DCLK2: variants seen among roughly 807,000 people sequenced by gnomAD.
DCLK2 encodes doublecortin like kinase 2.
DCLK2 carries 31 observed loss-of-function variants against 78.4 expected under a neutral mutation model. The observed-to-expected ratio is 0.40, with a 90% CI of 0.30 to 0.53. DCLK2 has a LOEUF of 0.53. DCLK2 is among the 20% of genes least tolerant of loss of function. The pLI is 0.61. For synonymous variants in DCLK2, 407 were observed against 374.9 expected, an observed-to-expected ratio of 1.09 and a Z score of -0.99; for missense variants, 872 against 973.7, an observed-to-expected ratio of 0.90 and a Z score of 1.39.
chr4:150,095,723 A>G (rs1301805648), intron 1 of DCLK2, among the ~76,000 whole-genome samples: 1 of 152,178 alleles, frequency 6.6e-6, no homozygotes, highest in East Asian at 1.9e-4. Context: ...AGTTTTTCCT[A>G]AGTGATTTAA....
At chr4:150,116,386 G>A (rs771719552) in intron 2 of DCLK2, among the ~76,000 whole-genome samples, 11 of 152,172 alleles carry the variant, frequency 7.2e-5, no homozygotes, top group Non-Finnish European at 1.0e-4. Context: ...CCGGCACTGC[G>A]CCTATGCCTC....
At chr4:150,116,856 A>G (rs1481083098) in intron 2 of DCLK2, among the ~76,000 whole-genome samples, 1 of 152,026 alleles carries the variant, frequency 6.6e-6, no homozygotes, top group East Asian at 1.9e-4. Flanking sequence ...GTGTTCTTCT[A>G]CCTGGAGATG....
At chr4:150,252,176 C>T (rs938108737) in intron 15 of DCLK2, among the ~76,000 whole-genome samples, 2 of 152,208 alleles carry the variant, frequency 1.3e-5, no homozygotes, top group Non-Finnish European at 2.9e-5. Context: ...GAGAATGTTT[C>T]CAGCGATTCC....
At chr4:150,211,568 G>A (rs969876121) in intron 5 of DCLK2, among the ~76,000 whole-genome samples, 2 of 152,100 alleles carry the variant, frequency 1.3e-5, no homozygotes, top group Non-Finnish European at 2.9e-5. Context: ...GCCCTGGGCT[G>A]GTCTGGCTTC....
intron 1 of DCLK2, among the ~76,000 whole-genome samples, chr4:150,094,987 T>A (rs1330148642): frequency 2.0e-5 from 3 of 152,216 alleles, no homozygotes; most frequent in Non-Finnish European, 4.4e-5. Flanking sequence ...CAAAATCACC[T>A]GATTTTTAAA....
At chr4:150,166,227 C>T (rs953039561) in intron 2 of DCLK2, among the ~76,000 whole-genome samples, 4 of 152,144 alleles carry the variant, frequency 2.6e-5, no homozygotes, top group African/African-American at 9.7e-5. Flanking sequence ...TGGTAGCTCA[C>T]ACCTGTAATC....
At chr4:150,226,249 C>A (rs987272190) in intron 8 of DCLK2, among the ~76,000 whole-genome samples, 1 of 145,832 alleles carries the variant, frequency 6.9e-6, no homozygotes. Context: ...TTTAACCACA[C>A]TGTGATAATT....
chr4:150,091,711 G>A (rs1234452316), intron 1 of DCLK2, among the ~76,000 whole-genome samples: 1 of 151,338 alleles, frequency 6.6e-6, no homozygotes, highest in Non-Finnish European at 1.5e-5. Flanking sequence ...AACTGCTATT[G>A]TTAAAATTTC....
chr4:150,163,530 A>G lies in DCLK2; in HGVS notation c.757-29608A>G, dbSNP rs1030010786. 1.3e-5 allele frequency among the ~76,000 whole-genome samples: 2 copies of G among 152,188 alleles called. 1 individual carries two copies. The highest frequency in any genetic ancestry group is 2.9e-5 in the Non-Finnish European group (2 of 68,038). Reference sequence around the variant, plus strand: ...AGGATCCTTGCCCAACCGCCACCCCATGGTGTGTGATTTCATTATATAACT... The same window carrying G: ...AGGATCCTTGCCCAACCGCCACCCCGTGGTGTGTGATTTCATTATATAACT... On this transcript the variant is annotated intron_variant, in intron 2 of 15. Coordinates refer to ENST00000296550, the MANE Select transcript of DCLK2 (RefSeq NM_001040260.4).
At chr4:150,229,636 A>T (rs1560890915) in intron 8 of DCLK2, among the ~76,000 whole-genome samples, 1 of 151,354 alleles carries the variant, frequency 6.6e-6, no homozygotes, top group East Asian at 1.9e-4. Flanking sequence ...CTCCTATTAT[A>T]CCCCCCCATT....
At position 150,198,059 on chromosome 4, in the gene DCLK2, C is replaced by T. The variant is rs1739187844; in HGVS notation, c.917C>T (p.Ser306Phe). ...TCCTCAGCTGTTAAGTATTCTGGAT[C>T]CAAAAGCCCTGGGCCCTCTCGACGC... ...SRSSAVKYSG[S>F]KSPGPSRRSK... Residue 306 changes from serine (S) to phenylalanine (F), a missense_variant, in exon 4 of 16, where the codon TCC (serine) becomes TTC (phenylalanine). This residue lies in a region of DCLK2 where 567 missense variants were observed against 593.4 expected (regional missense o/e 0.96). Transcript: ENST00000296550. 6.2e-7 allele frequency: 1 copy of T among 1,613,764 alleles called. No individual in the cohort carries two copies. Among genetic ancestry groups the T allele is most frequent in the African/African-American group, 1.3e-5 (1 of 74,852 alleles).
At chr4:150,196,492 C>T (rs1739039310) in intron 3 of DCLK2, among the ~76,000 whole-genome samples, 2 of 152,170 alleles carry the variant, frequency 1.3e-5, no homozygotes, top group Admixed American at 1.3e-4. Context: ...GGTTAGTGTA[C>T]TTCACTTGTC....
chr4:150,156,860 T>G (rs1441249434), intron 2 of DCLK2, among the ~76,000 whole-genome samples: 1 of 151,536 alleles, frequency 6.6e-6, no homozygotes, highest in African/African-American at 2.4e-5. Context: ...AGTCTTGACC[T>G]CCTGGGGTCA....
chr4:150,138,810 C>T (rs149791862), intron 2 of DCLK2, among the ~76,000 whole-genome samples: 2,685 of 152,020 alleles, frequency 0.018, 79 homozygotes, highest in African/African-American at 0.061. Context: ...GGACTACAGG[C>T]GCCTGCCACC....
rs1477441060 is a variant in DCLK2, at chr4:150,220,767, T to C, written c.1121T>C (p.Ile374Thr). The C allele has an allele frequency of 6.2e-7, 1 of 1,613,474 alleles. No individual in the cohort carries two copies. Among genetic ancestry groups the C allele is most frequent in the Non-Finnish European group, 8.5e-7 (1 of 1,179,616 alleles). The change falls in exon 6 of 16, where the codon ATA becomes ACA. Residue 374 changes from isoleucine to threonine, a missense_variant. Physicochemically the swap from Ile to Thr is moderately conservative, Grantham distance 89. This residue lies in a region of DCLK2 where 567 missense variants were observed against 593.4 expected (regional missense o/e 0.96). Transcript: ENST00000296550. ...GGTGGACCTGAGCTTGACCGTTGCA[T>C]AAGTCCTGAAGGTAGTTCTCAGTCT... ...VNGGPELDRCISPEGVNGNRC... is the reference protein window; with the variant it reads ...VNGGPELDRCTSPEGVNGNRC...
chr4:150,086,896 G>A (rs1279566259), intron 1 of DCLK2, among the ~76,000 whole-genome samples: 1 of 152,154 alleles, frequency 6.6e-6, no homozygotes, highest in Non-Finnish European at 1.5e-5. Context: ...GTCTACAGGA[G>A]TTCTCTGCCA....
chr4:150,080,505 C>T (rs748387410), intron 1 of DCLK2, among the ~76,000 whole-genome samples: 7 of 152,182 alleles, frequency 4.6e-5, no homozygotes, highest in Admixed American at 4.6e-4. Context: ...ACATACAGTC[C>T]GCTCTTGTGC....
intron 1 of DCLK2, among the ~76,000 whole-genome samples, chr4:150,092,679 TAAAGGATAAAGA>T (rs1730176272): frequency 6.6e-6 from 1 of 152,138 alleles, no homozygotes; most frequent in Admixed American, 6.5e-5. Flanking sequence ...TTTTGAATAT[TAAAGGATAAAGA>T]TCACACAATC....
chr4:150,091,041 A>G (rs1051650446), intron 1 of DCLK2, among the ~76,000 whole-genome samples: 1 of 152,344 alleles, frequency 6.6e-6, no homozygotes, highest in Middle Eastern at 3.4e-3. Flanking sequence ...TTAAGTTTAC[A>G]TTCTGTGCGG....
Sources: gnomAD v4.1 joint callset for allele counts (sites outside exome capture counted in the v4.1 genomes callset) on GRCh38, gnomAD v4.1.1 for gene constraint, gnomAD v4.1.1 regional missense constraint, MANE v1.5 for transcripts, NCBI Gene and HGNC (gene_info 2026-07-23, HGNC 2026-07-21) for gene names.